VEGFC: variants seen among roughly 807,000 people sequenced by gnomAD.
VEGFC encodes FLT4 ligand DHM.
Under a neutral mutation model 46.1 loss-of-function variants are expected in VEGFC, and 12 were observed. The ratio of observed to expected loss-of-function variants is 0.26; its 90% CI spans 0.17 to 0.42. VEGFC has a LOEUF of 0.42. Ranked by LOEUF, VEGFC falls within the 10% of genes least tolerant of loss-of-function variation. The pLI is 1.00. For missense variants in VEGFC, 488 were observed against 529.4 expected, an observed-to-expected ratio of 0.92 and a Z score of 0.77; for synonymous variants, 232 against 195.5, an observed-to-expected ratio of 1.19 and a Z score of -1.56.
At chr4:176,729,496 T>C (rs772019759) in intron 2 of VEGFC, 37 bp downstream of exon 2, 5 of 1,580,778 alleles carry the variant, frequency 3.2e-6, no homozygotes, top group South Asian at 2.3e-5. Flanking sequence ...TGGTTTGATA[T>C]ATAAGGCTTA....
At chr4:176,731,037 T>C (rs1305133858) in intron 1 of VEGFC, among the ~76,000 whole-genome samples, 1 of 152,088 alleles carries the variant, frequency 6.6e-6, no homozygotes, top group East Asian at 1.9e-4. Flanking sequence ...TTTGAGTATA[T>C]CACTTAATCT....
At chr4:176,744,335 C>T (rs369441569) in intron 1 of VEGFC, among the ~76,000 whole-genome samples, 9 of 151,756 alleles carry the variant, frequency 5.9e-5, no homozygotes, top group East Asian at 3.9e-4. Context: ...TTCAGGGCAG[C>T]AGGTACACAA....
intron 1 of VEGFC, among the ~76,000 whole-genome samples, chr4:176,788,060 T>G (rs1287401573): frequency 6.6e-6 from 1 of 152,232 alleles, no homozygotes; most frequent in Non-Finnish European, 1.5e-5. Flanking sequence ...ATAACGCTTC[T>G]GCCAACTTAA....
intron 1 of VEGFC, among the ~76,000 whole-genome samples, chr4:176,761,706 T>C (rs1251109445): frequency 6.6e-6 from 1 of 152,230 alleles, no homozygotes; most frequent in East Asian, 1.9e-4. Flanking sequence ...ATTATACATG[T>C]GCCTATGTAA....
intron 1 of VEGFC, among the ~76,000 whole-genome samples, chr4:176,730,023 T>C (rs1734935368): frequency 6.6e-6 from 1 of 152,232 alleles, no homozygotes; most frequent in Non-Finnish European, 1.5e-5. Context: ...ATTTTATTCA[T>C]AGCTCTTTCA....
intron 6 of VEGFC, among the ~76,000 whole-genome samples, chr4:176,686,009 A>C (rs1734035140): frequency 6.6e-6 from 1 of 152,220 alleles, no homozygotes; most frequent in African/African-American, 2.4e-5. Context: ...ATAGTAAATA[A>C]ATGAAATACA....
chr4:176,689,847 A>G (rs1734117259), intron 4 of VEGFC, among the ~76,000 whole-genome samples: 1 of 152,248 alleles, frequency 6.6e-6, no homozygotes, highest in Non-Finnish European at 1.5e-5. Context: ...GCTGATTAGG[A>G]AACAATATAC....
chr4:176,712,595 A>G (rs909398023), intron 3 of VEGFC, among the ~76,000 whole-genome samples: 1 of 152,166 alleles, frequency 6.6e-6, no homozygotes, highest in Admixed American at 6.5e-5. Context: ...ACTATAATTG[A>G]TCCATGTATT....
chr4:176,693,136 T>C (rs949117205), intron 4 of VEGFC, among the ~76,000 whole-genome samples: 4 of 152,116 alleles, frequency 2.6e-5, no homozygotes, highest in African/African-American at 9.7e-5. Flanking sequence ...AGAATAACTT[T>C]GACGAGCTGC....
chr4:176,701,641 A>G lies in VEGFC; in HGVS notation c.704+9858T>C, dbSNP rs141310545. Among the ~76,000 whole-genome samples the G allele has an allele frequency of 3.2e-4, 48 of 152,288 alleles. No individual in the cohort carries two copies. The East Asian group carries it at 8.7e-3, about 28-fold the overall frequency. On this transcript the variant is annotated intron_variant, in intron 4 of 6. Coordinates refer to ENST00000618562, the MANE Select transcript of VEGFC (RefSeq NM_005429.5). The stretch of plus-strand genomic sequence containing the variant: ...TTGCCTGAGTTCCACTGGTAAATCC[A>G]TTCACATCAACAGGTGATCCTTTGA...
intron 4 of VEGFC, among the ~76,000 whole-genome samples, chr4:176,694,493 A>G (rs534354105): frequency 1.3e-5 from 2 of 151,444 alleles, no homozygotes; most frequent in East Asian, 1.9e-4. Flanking sequence ...GTCCTGAGTG[A>G]CCTACAAAGA....
At chr4:176,770,979 TACAC>T (rs148140472) in intron 1 of VEGFC, among the ~76,000 whole-genome samples, 24 of 148,520 alleles carry the variant, frequency 1.6e-4, no homozygotes, top group South Asian at 6.4e-4. Context: ...AAGTAACTGA[TACAC>T]ACACACACAC....
intron 1 of VEGFC, among the ~76,000 whole-genome samples, chr4:176,780,387 A>AAAAAAAAAAAAAAAC (rs541639588): frequency 0.39 from 44,899 of 113,788 alleles, 11,371 homozygotes; most frequent in East Asian, 0.55. Flanking sequence ...ATCTCAAAAA[A>AAAAAAAAAAAAAAAC]AAAAAAAAAA....
chr4:176,787,567 C>T (rs925469956), intron 1 of VEGFC, among the ~76,000 whole-genome samples: 3 of 151,720 alleles, frequency 2.0e-5, no homozygotes, highest in African/African-American at 4.8e-5. Context: ...CACTAGGGCG[C>T]GAGCAGTATA....
rs1736113957 is a variant in VEGFC, at chr4:176,792,351, G to A, written c.-40C>T. The A allele has an allele frequency of 7.1e-7, 1 of 1,416,950 alleles. No homozygotes were observed. The highest frequency in any genetic ancestry group is 9.2e-7 in the Non-Finnish European group (1 of 1,085,008). The allele number at this position is 1,416,950 out of a possible 1,614,324, so 87.8% of individuals were successfully genotyped here. A position where few individuals can be genotyped will look rare whatever the true frequency, so the allele number is the denominator to read the frequency against. ...GGGTGGGGGACCGGTCCGCTGGCGG[G>A]GGCAGGGGTGGGGGCGCGGGCGCCC... is the stretch of plus-strand genomic sequence containing the variant. On this transcript the variant is annotated 5_prime_UTR_variant, in exon 1 of 7. Transcript: ENST00000618562. The surrounding 1 kb of genome is among the most constrained non-coding windows in gnomAD (Gnocchi z 6.3).
At chr4:176,743,268 A>G (rs1171495208) in intron 1 of VEGFC, among the ~76,000 whole-genome samples, 25 of 152,054 alleles carry the variant, frequency 1.6e-4, no homozygotes, top group Admixed American at 1.6e-3. Context: ...TTTCCAAACT[A>G]TCTATTTTCA....
intron 1 of VEGFC, among the ~76,000 whole-genome samples, chr4:176,738,840 T>G (rs1450416734): frequency 1.3e-5 from 2 of 151,846 alleles, no homozygotes; most frequent in African/African-American, 4.8e-5. Context: ...TACAAGGAAC[T>G]TAAATTTACA....
At chr4:176,687,766 G>A (rs1038183049) in intron 5 of VEGFC, 55 bp downstream of exon 5, 1 of 1,268,384 alleles carries the variant, frequency 7.9e-7, no homozygotes, top group Non-Finnish European at 1.1e-6. Context: ...ATTAGAGTAT[G>A]TTAATCACAA....
chr4:176,743,229 CTG>C (rs1735205385), intron 1 of VEGFC, among the ~76,000 whole-genome samples: 2 of 151,952 alleles, frequency 1.3e-5, no homozygotes. Context: ...ATTCAAATAA[CTG>C]AAGAAATAGT....
Sources: gnomAD v4.1 joint callset for allele counts (sites outside exome capture counted in the v4.1 genomes callset) on GRCh38, gnomAD v4.1.1 for gene constraint, Gnocchi (gnomAD v3.1) non-coding constraint, MANE v1.5 for transcripts, NCBI Gene and HGNC (gene_info 2026-07-23, HGNC 2026-07-21) for gene names.